The following TTC28 variants were observed in gnomAD, a reference collection of about 807,000 sequenced individuals.
TTC28 encodes the protein tetratricopeptide repeat protein 28.
TTC28 carries 61 observed loss-of-function variants against 198.0 expected under a neutral mutation model. That is an observed-to-expected ratio of 0.31 (90% confidence interval 0.25 to 0.38). The LOEUF (loss-of-function observed/expected upper bound fraction) is 0.38, where lower values mean the gene tolerates loss of function less well. TTC28 is among the 10% of genes least tolerant of loss of function. TTC28 has a pLI of 1.00. For synonymous variants in TTC28, 1,171 were observed against 1,297.8 expected (o/e 0.90, Z 2.10); for missense variants, 2,678 against 3,164.0 (o/e 0.85, Z 3.69).
At chr22:28,051,977 T>C (rs1025363448) in intron 12 of TTC28, among the ~76,000 whole-genome samples, 2 of 152,090 alleles carry the variant, frequency 1.3e-5, no homozygotes. Context: ...CATGACATCC[T>C]GGATAATTCC....
Position 27,993,530 on chromosome 22 carries a change from T to G in TTC28, c.5245-12A>C. 6.5e-7 allele frequency: 1 copy of G among 1,534,436 alleles called. No individual in the cohort carries two copies. Among genetic ancestry groups the G allele is most frequent in the Non-Finnish European group, 8.8e-7 (1 of 1,135,382 alleles). The stretch of plus-strand genomic sequence containing the variant: ...AGGGATTTCTCCACCTGAGGGGGAA[T>G]TGGGGGTGAGTCAGAGACCCAGGCC... On this transcript the variant is annotated splice_polypyrimidine_tract_variant and intron_variant, in intron 17 of 22. Coordinates refer to ENST00000397906, the MANE Select transcript of TTC28 (RefSeq NM_001145418.2).
intron 2 of TTC28, among the ~76,000 whole-genome samples, chr22:28,488,213 T>G (rs1380408201): frequency 6.6e-6 from 1 of 152,156 alleles, no homozygotes; most frequent in Non-Finnish European, 1.5e-5. Flanking sequence ...ATAGTCTACA[T>G]GTCTCTGAAC....
chr22:28,636,691 A>G (rs1354768015), intron 1 of TTC28, among the ~76,000 whole-genome samples: 1 of 152,062 alleles, frequency 6.6e-6, no homozygotes, highest in African/African-American at 2.4e-5. Context: ...AATTATATTC[A>G]GGTATTTCGC....
At chr22:28,345,614 A>G (rs1014165718) in intron 2 of TTC28, among the ~76,000 whole-genome samples, 2 of 152,234 alleles carry the variant, frequency 1.3e-5, no homozygotes, top group African/African-American at 4.8e-5. Flanking sequence ...AAAAGAAAAC[A>G]TCATCACAAA....
chr22:28,371,509 CAAAA>C (rs1229801209), intron 2 of TTC28, among the ~76,000 whole-genome samples: 2 of 6,104 alleles, frequency 3.3e-4, no homozygotes, highest in East Asian at 6.5e-3. Flanking sequence ...GACCCTGTCT[CAAAA>C]AAAAAAAAAA....
chr22:28,390,628 G>C lies in TTC28; in HGVS notation c.382-83985C>G, dbSNP rs751315025. ...TTCTTTGTCTCTTTTGATCTTTGCT[G>C]GTTTAAAGTCTGTTTTATCAGAGAC... On this transcript the variant is annotated intron_variant, in intron 2 of 22. Coordinates refer to ENST00000397906, the MANE Select transcript of TTC28 (RefSeq NM_001145418.2). 1.6e-3 allele frequency among the ~76,000 whole-genome samples: 238 copies of C among 152,202 alleles called. 1 individual carries two copies. Among genetic ancestry groups the C allele is most frequent in the Middle Eastern group, 3.4e-3 (1 of 294 alleles).
chr22:28,104,236 A>G (rs1229702561), intron 8 of TTC28, among the ~76,000 whole-genome samples: 2 of 152,204 alleles, frequency 1.3e-5, no homozygotes, highest in Non-Finnish European at 2.9e-5. Flanking sequence ...AGGATCTTGT[A>G]TGGTTTCTGG....
At chr22:28,497,377 A>T (rs1263884250) in intron 2 of TTC28, among the ~76,000 whole-genome samples, 1 of 152,236 alleles carries the variant, frequency 6.6e-6, no homozygotes, top group Non-Finnish European at 1.5e-5. Context: ...ATGACTTACT[A>T]CATAGCTCAG....
chr22:28,307,491 C>T (rs1456410899), intron 2 of TTC28, among the ~76,000 whole-genome samples: 2 of 152,106 alleles, frequency 1.3e-5, no homozygotes, highest in Admixed American at 6.6e-5. Flanking sequence ...TAGCTCACTG[C>T]AGCCTTGAAC....
intron 12 of TTC28, among the ~76,000 whole-genome samples, chr22:28,048,565 G>C (rs1045073685): frequency 1.3e-5 from 2 of 152,168 alleles, no homozygotes; most frequent in African/African-American, 4.8e-5. Context: ...TAAGATAAAA[G>C]ACATAAATTC....
chr22:28,586,849 T>C (rs2050327038), intron 2 of TTC28, among the ~76,000 whole-genome samples: 1 of 152,256 alleles, frequency 6.6e-6, no homozygotes, highest in South Asian at 2.1e-4. Flanking sequence ...TTTTCAGCTA[T>C]TTTGTATAAA....
chr22:28,482,340 T>C (rs1283554558), intron 2 of TTC28, among the ~76,000 whole-genome samples: 1 of 147,950 alleles, frequency 6.8e-6, no homozygotes, highest in Non-Finnish European at 1.5e-5. Context: ...GCCTCCCGAG[T>C]AGCTGGGACT....
Position 28,647,226 on chromosome 22 carries a change from A to T in TTC28, c.103-17396T>A, listed in dbSNP as rs2051484241. On this transcript the variant is annotated intron_variant, in intron 1 of 22. Transcript: ENST00000397906. The stretch of plus-strand genomic sequence containing the variant: ...ATTCCCTGTCTTTCACCATATACAG[A>T]AATCAACTTGGGATGGATTAAGGAC... 3.3e-5 allele frequency among the ~76,000 whole-genome samples: 5 copies of T among 152,360 alleles called. No individual in the cohort carries two copies. The South Asian group carries it at 6.2e-4, about 19-fold the overall frequency.
chr22:28,530,158 T>C (rs536608057), intron 2 of TTC28, among the ~76,000 whole-genome samples: 13 of 152,134 alleles, frequency 8.5e-5, no homozygotes, highest in Non-Finnish European at 1.9e-4. Flanking sequence ...GCTAAAAACC[T>C]TGAAAAAAGA....
chr22:28,189,694 T>TAATACTGTC (rs1924549486), intron 5 of TTC28, among the ~76,000 whole-genome samples: 1 of 152,094 alleles, frequency 6.6e-6, no homozygotes. Context: ...AGACAATCGA[T>TAATACTGTC]AAAATACTGT....
intron 2 of TTC28, among the ~76,000 whole-genome samples, chr22:28,561,752 A>G (rs1569026603): frequency 6.6e-6 from 1 of 152,124 alleles, no homozygotes; most frequent in Non-Finnish European, 1.5e-5. Context: ...TTTCCTCCTC[A>G]TACTTAGCTA....
At chr22:28,605,395 C>T (rs1044510581) in intron 2 of TTC28, among the ~76,000 whole-genome samples, 2 of 152,052 alleles carry the variant, frequency 1.3e-5, no homozygotes, top group Non-Finnish European at 2.9e-5. Flanking sequence ...GAAAAGTTAC[C>T]AATCAAACGG....
chr22:28,558,745 T>C (rs1031073554), intron 2 of TTC28, among the ~76,000 whole-genome samples: 4 of 151,690 alleles, frequency 2.6e-5, no homozygotes, highest in African/African-American at 9.7e-5. Flanking sequence ...GAATTTCCAT[T>C]TCTGGCCGGG....
At chr22:28,259,842 A>C (rs931308312) in intron 5 of TTC28, among the ~76,000 whole-genome samples, 4 of 152,170 alleles carry the variant, frequency 2.6e-5, no homozygotes, top group African/African-American at 7.2e-5. Context: ...AACTATGGTG[A>C]CATGGTCACA....
Sources: allele counts gnomAD v4.1 joint callset (sites outside exome capture counted in the v4.1 genomes callset), GRCh38; gene constraint gnomAD v4.1.1; transcripts MANE v1.5; gene names NCBI Gene and HGNC (gene_info 2026-07-23, HGNC 2026-07-21).